The following CUL3 variants were observed in gnomAD, a reference collection of about 807,000 sequenced individuals.
CUL3 encodes the protein cullin-3.
A neutral mutation model predicts 89.1 loss-of-function variants in CUL3; 19 were observed. The ratio of observed to expected loss-of-function variants is 0.21; its 90% CI spans 0.15 to 0.31. The LOEUF (loss-of-function observed/expected upper bound fraction) is 0.31, where lower values mean the gene tolerates loss of function less well. CUL3 is among the 10% of genes least tolerant of loss of function. CUL3 has a pLI of 1.00. For missense variants in CUL3, 469 were observed against 942.3 expected (o/e 0.50, Z 6.58); for synonymous variants, 351 against 308.4 (o/e 1.14, Z -1.45).
intron 15 of CUL3, among the ~76,000 whole-genome samples, chr2:224,476,207 G>T (rs1162834659): frequency 1.3e-5 from 2 of 151,962 alleles, no homozygotes; most frequent in Non-Finnish European, 1.5e-5. Flanking sequence ...CAGTAGGACG[G>T]GGTTTCGCTG....
rs369250587 is a variant in CUL3 at position 224,511,340 on chromosome 2, T to C, written c.883+14A>G. ...GAGTAAGGATTTAATTATTTTTCAA[T>C]CGGTAACACTTACCTTCTGTCTTTC... On this transcript the variant is annotated intron_variant, in intron 6 of 15. Transcript: ENST00000264414. The C allele has an allele frequency of 1.3e-6, 2 of 1,526,402 alleles. No homozygotes were observed. The highest frequency in any genetic ancestry group is 2.3e-5 in the East Asian group (1 of 43,494). The allele number at this position is 1,526,402 out of a possible 1,614,324, so 94.6% of individuals were successfully genotyped here.
intron 1 of CUL3, among the ~76,000 whole-genome samples, chr2:224,573,676 A>G (rs927460909): frequency 2.0e-5 from 3 of 152,148 alleles, no homozygotes; most frequent in East Asian, 3.8e-4. Flanking sequence ...CTTAGAATTA[A>G]TTTTCTGTAT....
At chr2:224,562,198 C>T (rs1259516035) in intron 1 of CUL3, among the ~76,000 whole-genome samples, 3 of 151,744 alleles carry the variant, frequency 2.0e-5, no homozygotes, top group Non-Finnish European at 4.4e-5. Flanking sequence ...CACATATATA[C>T]ATCAAGAGCT....
chr2:224,515,843 C>T (rs2106225826), intron 3 of CUL3, among the ~76,000 whole-genome samples: 1 of 152,144 alleles, frequency 6.6e-6, no homozygotes, highest in East Asian at 1.9e-4. Context: ...CAGGCATATA[C>T]CATCATGCCT....
chr2:224,576,283 G>C (rs187000878), intron 1 of CUL3, among the ~76,000 whole-genome samples: 5 of 152,298 alleles, frequency 3.3e-5, no homozygotes, highest in Non-Finnish European at 4.4e-5. Flanking sequence ...AGTCATGGTG[G>C]AGGAAGTGAA....
At chr2:224,570,511 A>G (rs1040495547) in intron 1 of CUL3, among the ~76,000 whole-genome samples, 2 of 152,228 alleles carry the variant, frequency 1.3e-5, no homozygotes, top group African/African-American at 2.4e-5. Context: ...TATGTAGAAG[A>G]GACATATAGC....
rs77492490 is a variant in CUL3, at chr2:224,513,254, G to A, written c.654+270C>T. On this transcript the variant is annotated intron_variant, in intron 5 of 15. Coordinates refer to ENST00000264414, the MANE Select transcript of CUL3 (RefSeq NM_003590.5). ...TGTGGACTTTTGACTACACAGGGGC[G>A]TCAGCATCCCTATGCCCCACACTGT... is the stretch of plus-strand genomic sequence containing the variant. Among the ~76,000 whole-genome samples the A allele has an allele frequency of 1.4e-4, 22 of 152,216 alleles. No individual in the cohort carries two copies. In the East Asian group the frequency reaches 3.3e-3, roughly 23 times the overall value.
chr2:224,513,724 T>C, intron 4 of CUL3, 86 bp from the exon 5 acceptor site: 2 of 901,770 alleles, frequency 2.2e-6, no homozygotes, highest in Non-Finnish European at 3.4e-6. Context: ...GGTAAAAATA[T>C]CTTCAGGACA....
At chr2:224,548,711 T>G (rs1035068707) in intron 2 of CUL3, among the ~76,000 whole-genome samples, 1 of 152,066 alleles carries the variant, frequency 6.6e-6, no homozygotes, top group African/African-American at 2.4e-5. Flanking sequence ...TTCAAGAAAA[T>G]TAAAAATTGA....
intron 1 of CUL3, among the ~76,000 whole-genome samples, chr2:224,561,190 C>A (rs1027023184): frequency 5.3e-5 from 8 of 152,154 alleles, no homozygotes; most frequent in Non-Finnish European, 1.2e-4. Context: ...TTTTTCACTG[C>A]CAAATTCCTC....
intron 1 of CUL3, among the ~76,000 whole-genome samples, chr2:224,567,045 A>C (rs1312270935): frequency 6.6e-6 from 1 of 152,156 alleles, no homozygotes; most frequent in Non-Finnish European, 1.5e-5. Context: ...TTTTGGGAGC[A>C]CTTCCAGGTT....
chr2:224,547,093 A>G (rs753742709), intron 2 of CUL3, among the ~76,000 whole-genome samples: 3 of 152,128 alleles, frequency 2.0e-5, no homozygotes, highest in Non-Finnish European at 4.4e-5. Context: ...CATGAAAACT[A>G]AAGATGAGCA....
intron 14 of CUL3, among the ~76,000 whole-genome samples, chr2:224,480,655 TA>T (rs2106148737): frequency 6.6e-6 from 1 of 152,322 alleles, no homozygotes; most frequent in African/African-American, 2.4e-5. Context: ...CAAAGACAGT[TA>T]CTTATTTAGG....
chr2:224,490,599 G>A (rs1055785975), intron 13 of CUL3, among the ~76,000 whole-genome samples: 8 of 151,720 alleles, frequency 5.3e-5, no homozygotes, highest in Non-Finnish European at 8.8e-5. Context: ...AAAAACAACC[G>A]ACCCTGTGGG....
intron 2 of CUL3, among the ~76,000 whole-genome samples, chr2:224,536,458 GTTTA>G (rs974975156): frequency 1.3e-5 from 2 of 152,046 alleles, no homozygotes; most frequent in East Asian, 1.9e-4. Context: ...TACTATATTA[GTTTA>G]TTTGTTTATT....
chr2:224,476,437 G>A (rs567463315), intron 15 of CUL3, among the ~76,000 whole-genome samples: 73 of 152,274 alleles, frequency 4.8e-4, no homozygotes, highest in South Asian at 2.7e-3. Flanking sequence ...GCAAGTTCCT[G>A]AGCACCATTC....
At chr2:224,583,835 G>C (rs1009275928) in intron 1 of CUL3, among the ~76,000 whole-genome samples, 10 of 152,280 alleles carry the variant, frequency 6.6e-5, no homozygotes, top group South Asian at 2.1e-4. Context: ...TTCAGGAAAA[G>C]CATGCTTTAA....
Position 224,474,378 on chromosome 2 carries a change from T to TA in CUL3, c.2176-3dup, listed in dbSNP as rs1559333052. On this transcript the variant is annotated splice_region_variant and splice_polypyrimidine_tract_variant and intron_variant, in intron 15 of 15. Transcript: ENST00000264414. ...TCGCGCCTTCAACTGCTGAGTTACC[T>TA]AAAAAAGAAAGTAGATAGTATTTTT... The TA allele has an allele frequency of 6.2e-7, 1 of 1,611,038 alleles. No individual in the cohort carries two copies. Among genetic ancestry groups the TA allele is most frequent in the East Asian group, 2.2e-5 (1 of 44,808 alleles).
Position 224,584,958 on chromosome 2 carries a change from T to C in CUL3, c.52A>G (p.Ile18Val). Residue 18 changes from isoleucine to valine, a missense_variant, in exon 1 of 16, where the codon ATC (isoleucine) becomes GTC (valine). Ile to Val is a conservative substitution (Grantham distance 29). This residue lies in a region of CUL3 where 32 missense variants were observed against 29.7 expected (regional missense o/e 1.08). Coordinates refer to ENST00000264414, the MANE Select transcript of CUL3 (RefSeq NM_003590.5). ...TGSRKDTKMR[I>V]RAFPMTMDEK... ...GAGAGACTCACCGGAAAGGCCCGGA[T>C]CCGCATCTTGGTGTCCTTCCGGCTG... The C allele has an allele frequency of 6.6e-7, 1 of 1,504,056 alleles. No individual in the cohort carries two copies. Among genetic ancestry groups the C allele is most frequent in the Non-Finnish European group, 9.0e-7 (1 of 1,115,646 alleles). The allele number at this position is 1,504,056 out of a possible 1,614,324, so 93.2% of individuals were successfully genotyped here.
Sources: allele counts gnomAD v4.1 joint callset (sites outside exome capture counted in the v4.1 genomes callset), GRCh38; gene constraint gnomAD v4.1.1; regional missense constraint gnomAD v4.1.1; transcripts MANE v1.5; gene names NCBI Gene and HGNC (gene_info 2026-07-23, HGNC 2026-07-21).